Variants in PUDP observed in about 807,000 individuals in gnomAD.
PUDP encodes the protein pseudouridine 5'-phosphatase, also known as pseudouridine-5'-phosphatase.
A neutral mutation model predicts 9.4 loss-of-function variants in PUDP; 8 were observed. That is an observed-to-expected ratio of 0.85 (90% confidence interval 0.50 to 1.53). The LOEUF is 1.53. PUDP is among the 40% of genes most tolerant of loss of function. The pLI is 0.00. For synonymous variants in PUDP, 99 were observed against 80.7 expected (o/e 1.23, Z -1.22); for missense variants, 188 against 189.7 (o/e 0.99, Z 0.05).
At chrX:6,911,866 T>C (rs1471469660) in intron 3 of PUDP, among the ~76,000 whole-genome samples, 1 of 112,173 alleles carries the variant, frequency 8.9e-6, no homozygotes, top group Non-Finnish European at 1.9e-5. Context: ...AAATGTTTTG[T>C]GTGTCCTTGA....
At chrX:6,813,305 A>G (rs1926175109) in intron 3 of PUDP, among the ~76,000 whole-genome samples, 1 of 111,984 alleles carries the variant, frequency 8.9e-6, no homozygotes, top group Non-Finnish European at 1.9e-5. Flanking sequence ...AATACACGGG[A>G]ATAGCTAAGA....
chrX:7,066,328 T>C (rs1930553311), intron 3 of PUDP, among the ~76,000 whole-genome samples: 1 of 111,271 alleles, frequency 9.0e-6, no homozygotes, highest in East Asian at 2.8e-4. Flanking sequence ...TGAGTGACAG[T>C]CCAGAAATAA....
At chrX:7,135,223 T>G (rs1043194407) in intron 1 of PUDP, among the ~76,000 whole-genome samples, 1 of 112,199 alleles carries the variant, frequency 8.9e-6, no homozygotes, top group Non-Finnish European at 1.9e-5. Flanking sequence ...CCAGTCACAG[T>G]AGCTCCTCAG....
chrX:7,001,799 T>C (rs1485567613), intron 1 of PUDP, among the ~76,000 whole-genome samples: 3 of 111,859 alleles, frequency 2.7e-5, no homozygotes, highest in African/African-American at 9.7e-5. Flanking sequence ...TCTCACACTC[T>C]ACACAAAAAT....
chrX:6,850,376 G>A, intron 3 of PUDP, among the ~76,000 whole-genome samples: 1 of 112,238 alleles, frequency 8.9e-6, no homozygotes, highest in East Asian at 2.8e-4. Context: ...TTGGAGACAC[G>A]GGTGGTGGTT....
intron 3 of PUDP, among the ~76,000 whole-genome samples, chrX:6,781,389 C>G (rs1158173552): frequency 8.9e-6 from 1 of 111,872 alleles, no homozygotes; most frequent in Non-Finnish European, 1.9e-5. Flanking sequence ...CATGATCAAT[C>G]TGTGTCACAT....
chrX:6,837,203 T>C (rs925494485), intron 3 of PUDP, among the ~76,000 whole-genome samples: 2 of 112,539 alleles, frequency 1.8e-5, no homozygotes, highest in South Asian at 3.7e-4. Flanking sequence ...CGATCCTCCC[T>C]GTCTTTGAGT....
chrX:6,720,592 A>G (rs760404253), intron 1 of PUDP, among the ~76,000 whole-genome samples: 1 of 107,434 alleles, frequency 9.3e-6, no homozygotes, highest in African/African-American at 3.4e-5. Context: ...CATGGTGACT[A>G]TAGTTACCAA....
chrX:7,117,033 A>C (rs1255494484), intron 1 of PUDP: 4 of 1,165,098 alleles, frequency 3.4e-6, no homozygotes, highest in Non-Finnish European at 4.6e-6. Flanking sequence ...TTCCTGTATA[A>C]CCTGCAGAAA....
chrX:6,813,386 A>G (rs1926176384), intron 3 of PUDP, among the ~76,000 whole-genome samples: 1 of 111,391 alleles, frequency 9.0e-6, no homozygotes, highest in East Asian at 2.8e-4. Flanking sequence ...AGACTTCATG[A>G]TAAACAGCTC....
At position 6,922,758 on chromosome X, in the gene PUDP, A is replaced by C. The variant is rs1470630719; in HGVS notation, c.*247+54375T>G. On this transcript the variant is annotated intron_variant and NMD_transcript_variant, in intron 3 of 3. Transcript: ENST00000655425. The stretch of plus-strand genomic sequence containing the variant: ...ATCCACTTGGTTTCATGCTCTGGCA[A>C]TGTCATCTCTGCCTCTGGAAATACC... 4.5e-5 allele frequency among the ~76,000 whole-genome samples: 5 copies of C among 112,078 alleles called. No individual in the cohort carries two copies. In the Admixed American group the frequency reaches 4.7e-4, roughly 11 times the overall value.
At chrX:7,106,348 C>T (rs1454807702) in intron 1 of PUDP, among the ~76,000 whole-genome samples, 4 of 112,105 alleles carry the variant, frequency 3.6e-5, no homozygotes, top group South Asian at 3.7e-4. Context: ...ATTTAATGCA[C>T]AGGCTGTCAC....
chrX:7,023,760 C>T (rs1330172273), intron 1 of PUDP, among the ~76,000 whole-genome samples: 1 of 111,885 alleles, frequency 8.9e-6, no homozygotes, highest in African/African-American at 3.2e-5. Flanking sequence ...TCTAACACAG[C>T]TTGAAATCAA....
chrX:6,979,199 A>G (rs767167347), intron 1 of PUDP, among the ~76,000 whole-genome samples: 68 of 112,147 alleles, frequency 6.1e-4, no homozygotes, highest in Non-Finnish European at 6.2e-4. Context: ...CATGCATTCA[A>G]CAGCACACAT....
At chrX:7,128,832 C>T (rs1433647017) in intron 1 of PUDP, among the ~76,000 whole-genome samples, 1 of 111,802 alleles carries the variant, frequency 8.9e-6, no homozygotes, top group African/African-American at 3.3e-5. Context: ...AATGATTTTG[C>T]GGATAAAAAT....
chrX:6,889,615 AT>A (rs1229579729), intron 3 of PUDP, among the ~76,000 whole-genome samples: 2 of 111,875 alleles, frequency 1.8e-5, no homozygotes, highest in Admixed American at 1.9e-4. Flanking sequence ...GGATTGATGA[AT>A]GAATAAAGTA....
At position 6,914,787 on chromosome X, in the gene PUDP, G is replaced by A. The variant is rs766624988; in HGVS notation, c.*247+62346C>T. Among the ~76,000 whole-genome samples the A allele has an allele frequency of 9.1e-4, 102 of 112,619 alleles. 1 individual carries two copies. Among genetic ancestry groups the A allele is most frequent in the Non-Finnish European group, 1.6e-3 (86 of 53,388 alleles). On this transcript the variant is annotated intron_variant and NMD_transcript_variant, in intron 3 of 3. Transcript: ENST00000655425. ...TATTATGGTACCGAAAGAATCAACA[G>A]TGATAAGGTACTAAATGAAATAGAG...
At chrX:6,792,667 T>C (rs923979048) in intron 3 of PUDP, among the ~76,000 whole-genome samples, 3 of 112,249 alleles carry the variant, frequency 2.7e-5, no homozygotes, top group African/African-American at 6.5e-5. Flanking sequence ...TATACTTCTA[T>C]ACAACTGTTG....
chrX:6,825,987 C>T (rs1378728744), intron 3 of PUDP, among the ~76,000 whole-genome samples: 5 of 111,980 alleles, frequency 4.5e-5, no homozygotes, highest in Admixed American at 3.8e-4. Context: ...TAAACTAATA[C>T]TAAGAAATTT....
Sources: gnomAD v4.1 joint callset for allele counts (sites outside exome capture counted in the v4.1 genomes callset) on GRCh38, gnomAD v4.1.1 for gene constraint, MANE v1.5 for transcripts, NCBI Gene and HGNC (gene_info 2026-07-23, HGNC 2026-07-21) for gene names.